AKAP6: variants seen among roughly 807,000 people sequenced by gnomAD.
AKAP6 encodes A-kinase anchoring protein 6, also known as A-kinase anchor protein 6.
In AKAP6, 58 loss-of-function variants were observed where a neutral mutation model predicts 188.5. The ratio of observed to expected loss-of-function variants is 0.31; its 90% CI spans 0.25 to 0.38. The LOEUF (loss-of-function observed/expected upper bound fraction) is 0.38, where lower values mean the gene tolerates loss of function less well. AKAP6 is among the 10% of genes least tolerant of loss of function. The pLI is 1.00. For synonymous variants in AKAP6, 989 were observed against 998.6 expected (o/e 0.99, Z 0.18); for missense variants, 2,710 against 2,740.0 (o/e 0.99, Z 0.24).
chr14:32,338,722 C>T (rs569083153), intron 1 of AKAP6, among the ~76,000 whole-genome samples: 22 of 152,184 alleles, frequency 1.4e-4, no homozygotes, highest in African/African-American at 4.8e-4. Flanking sequence ...GAGTTATGAT[C>T]TTAAGGTTCT....
intron 1 of AKAP6, chr14:32,384,979 A>C (rs1888481980): frequency 6.6e-6 from 1 of 152,110 alleles, no homozygotes; most frequent in South Asian, 2.1e-4. Flanking sequence ...TTTTATGAAT[A>C]TTCCATGCTT....
intron 9 of AKAP6, among the ~76,000 whole-genome samples, chr14:32,724,528 A>G (rs2030743115): frequency 6.6e-6 from 1 of 152,186 alleles, no homozygotes; most frequent in Non-Finnish European, 1.5e-5. Flanking sequence ...GTAGTGTAGT[A>G]AATAACTGGT....
chr14:32,724,365 A>G (rs548194692), intron 9 of AKAP6, among the ~76,000 whole-genome samples: 2 of 152,332 alleles, frequency 1.3e-5, no homozygotes, highest in African/African-American at 4.8e-5. Flanking sequence ...GTGCTTCTAA[A>G]TGATTGCATC....
At chr14:32,492,129 T>C (rs947081220) in intron 2 of AKAP6, among the ~76,000 whole-genome samples, 2 of 152,024 alleles carry the variant, frequency 1.3e-5, no homozygotes, top group South Asian at 4.2e-4. Flanking sequence ...ATACTATCCT[T>C]CTACATCTCA....
intron 1 of AKAP6, among the ~76,000 whole-genome samples, chr14:32,336,622 A>T (rs1370139000): frequency 6.6e-6 from 1 of 152,126 alleles, no homozygotes; most frequent in Non-Finnish European, 1.5e-5. Context: ...TTCTGAACAT[A>T]CCTTGACATG....
At chr14:32,511,592 G>T (rs894070136) in intron 2 of AKAP6, among the ~76,000 whole-genome samples, 1 of 152,082 alleles carries the variant, frequency 6.6e-6, no homozygotes, top group Non-Finnish European at 1.5e-5. Context: ...GGCCAGGCTC[G>T]TCTAGAACTC....
intron 12 of AKAP6, among the ~76,000 whole-genome samples, chr14:32,775,757 G>T (rs145543340): frequency 5.3e-5 from 8 of 152,242 alleles, no homozygotes; most frequent in Non-Finnish European, 7.4e-5. Context: ...GTAAAGGCAA[G>T]CTTTAGCTTT....
At chr14:32,797,247 T>C (rs1184150093) in intron 12 of AKAP6, among the ~76,000 whole-genome samples, 1 of 152,098 alleles carries the variant, frequency 6.6e-6, no homozygotes, top group Admixed American at 6.6e-5. Context: ...GAGGCAGAAA[T>C]ACCATTTGAC....
At chr14:32,437,876 A>G (rs1890439743) in intron 2 of AKAP6, among the ~76,000 whole-genome samples, 2 of 152,166 alleles carry the variant, frequency 1.3e-5, no homozygotes, top group Non-Finnish European at 2.9e-5. Context: ...CTGGCATTAC[A>G]GGCGTGGCCT....
intron 2 of AKAP6, among the ~76,000 whole-genome samples, chr14:32,532,678 C>T (rs533659194): frequency 9.9e-5 from 15 of 152,094 alleles, no homozygotes; most frequent in Non-Finnish European, 2.1e-4. Context: ...ATAAAGGTTA[C>T]CCAAGTGTTT....
At chr14:32,557,522 C>T (rs1008022659) in intron 4 of AKAP6, among the ~76,000 whole-genome samples, 11 of 152,200 alleles carry the variant, frequency 7.2e-5, no homozygotes, top group East Asian at 1.9e-4. Context: ...CTTGCAATCA[C>T]GATTCTGCTA....
At chr14:32,525,337 T>C (rs1882067762) in intron 2 of AKAP6, among the ~76,000 whole-genome samples, 2 of 152,210 alleles carry the variant, frequency 1.3e-5, no homozygotes, top group African/African-American at 2.4e-5. Flanking sequence ...CCTCTGAAGC[T>C]TTTTAATAAC....
At chr14:32,765,608 A>G (rs1193273079) in intron 11 of AKAP6, among the ~76,000 whole-genome samples, 4 of 152,138 alleles carry the variant, frequency 2.6e-5, no homozygotes, top group African/African-American at 9.7e-5. Context: ...ATCATACAGC[A>G]GAATGTCTGA....
At chr14:32,584,345 C>G (rs893665117) in intron 5 of AKAP6, among the ~76,000 whole-genome samples, 1 of 152,180 alleles carries the variant, frequency 6.6e-6, no homozygotes, top group Non-Finnish European at 1.5e-5. Flanking sequence ...AGGTGGGACA[C>G]AGCAGGATGG....
chr14:32,773,455 A>G (rs1439674886), intron 11 of AKAP6, among the ~76,000 whole-genome samples: 1 of 152,176 alleles, frequency 6.6e-6, no homozygotes, highest in Non-Finnish European at 1.5e-5. Context: ...GGAGGGATAA[A>G]TCAGTGAAAA....
At chr14:32,776,284 CAT>C (rs2033058533) in intron 12 of AKAP6, among the ~76,000 whole-genome samples, 1 of 152,138 alleles carries the variant, frequency 6.6e-6, no homozygotes. Flanking sequence ...ATAATTGAAT[CAT>C]GGGGGTGGTT....
In AKAP6 at chr14:32,773,903, G is replaced by A. The variant is rs1217844700; in HGVS notation, c.3588+10G>A. On this transcript the variant is annotated intron_variant, in intron 12 of 13. Transcript: ENST00000280979. The stretch of plus-strand genomic sequence containing the variant: ...GATGGGAAAGGAATCTGTGAGTGAT[G>A]CTTTTTTTAAGCATAATTGTCTGTC... 1.2e-6 allele frequency: 2 copies of A among 1,611,462 alleles called. No homozygotes were observed. The highest frequency in any genetic ancestry group is 1.3e-5 in the African/African-American group (1 of 74,838).
At chr14:32,649,229 T>A (rs1888109711) in intron 7 of AKAP6, among the ~76,000 whole-genome samples, 1 of 152,148 alleles carries the variant, frequency 6.6e-6, no homozygotes, top group Non-Finnish European at 1.5e-5. Context: ...GTTAGTGGAA[T>A]AAATCCATTT....
chr14:32,627,178 T>C (rs1042790787), intron 7 of AKAP6, among the ~76,000 whole-genome samples: 1 of 152,170 alleles, frequency 6.6e-6, no homozygotes, highest in African/African-American at 2.4e-5. Context: ...AGTTCATTCA[T>C]CTTGTATCTG....
Sources: gnomAD v4.1 joint callset for allele counts (sites outside exome capture counted in the v4.1 genomes callset) on GRCh38, gnomAD v4.1.1 for gene constraint, MANE v1.5 for transcripts, NCBI Gene and HGNC (gene_info 2026-07-23, HGNC 2026-07-21) for gene names.